Variants in OVOL1 observed in about 807,000 individuals in gnomAD.
OVOL1 encodes putative transcription factor Ovo-like 1.
In OVOL1, 10 loss-of-function variants were observed where a neutral mutation model predicts 21.5. The observed-to-expected ratio is 0.46, with a 90% CI of 0.29 to 0.79. OVOL1 has a LOEUF of 0.79. Ranked by LOEUF, OVOL1 falls within the 30% of genes least tolerant of loss-of-function variation. The pLI, the probability that OVOL1 is intolerant of heterozygous loss-of-function variation, is 0.10. For synonymous variants in OVOL1, 129 were observed against 150.3 expected, an observed-to-expected ratio of 0.86 and a Z score of 1.03; for missense variants, 279 against 362.3, an observed-to-expected ratio of 0.77 and a Z score of 1.87.
At chr11:65,790,221 CG>C (rs146860844) in intron 1 of OVOL1, 3,551 of 152,360 alleles carry the variant, frequency 0.023, 133 homozygotes, top group African/African-American at 0.078. Context: ...CTGGTTCCCC[CG>C]AGCCCCACCC....
intron 1 of OVOL1, chr11:65,788,629 T>C: frequency 1.0e-6 from 1 of 985,400 alleles, no homozygotes; most frequent in Non-Finnish European, 1.2e-6. Flanking sequence ...AATAAGCTGT[T>C]GGAGACAGTG....
At chr11:65,787,558 C>T (rs1857929180) in intron 1 of OVOL1, 85 bp downstream of exon 1, 1 of 743,680 alleles carries the variant, frequency 1.3e-6, no homozygotes, top group East Asian at 6.2e-5. Flanking sequence ...GTCCGCGGAG[C>T]CAGGCGGCAG....
intron 1 of OVOL1, chr11:65,790,106 G>A (rs1857985455): frequency 1.4e-5 from 2 of 141,812 alleles, no homozygotes; most frequent in South Asian, 2.2e-4. Context: ...TGGAGTGACA[G>A]GGAGTAATGC....
intron 1 of OVOL1, 80 bp downstream of exon 1, chr11:65,787,553 C>T: frequency 6.5e-6 from 5 of 765,814 alleles, no homozygotes; most frequent in Non-Finnish European, 8.4e-6. Context: ...CGCAGGTCCG[C>T]GGAGCCAGGC....
chr11:65,787,817 G>T (rs1857934286), intron 1 of OVOL1, among the ~76,000 whole-genome samples: 1 of 152,210 alleles, frequency 6.6e-6, no homozygotes, highest in Non-Finnish European at 1.5e-5. Context: ...CGGCTCCGAC[G>T]TCGTAAATCC....
At chr11:65,788,899 T>C (rs1857954291) in intron 1 of OVOL1, 1 of 984,796 alleles carries the variant, frequency 1.0e-6, no homozygotes, top group Non-Finnish European at 1.2e-6. Flanking sequence ...CACTCCCTGG[T>C]GAGCTGGCTG....
chr11:65,794,386 A>T, intron 2 of OVOL1, 138 bp downstream of exon 2: 6 of 1,072,542 alleles, frequency 5.6e-6, no homozygotes, highest in Non-Finnish European at 8.2e-6. Flanking sequence ...AGGAGTGCCG[A>T]TCTCCGGGCA....
At position 65,788,181 on chromosome 11, in the gene OVOL1, T is replaced by C. The variant is rs111820806; in HGVS notation, c.100+708T>C. Among the ~76,000 whole-genome samples, 105 of 152,278 alleles carry C rather than the reference T, an allele frequency of 6.9e-4. 1 individual carries two copies. The highest frequency in any genetic ancestry group is 2.4e-3 in the African/African-American group (99 of 41,570). On this transcript the variant is annotated intron_variant, in intron 1 of 3. Coordinates refer to ENST00000335987, the MANE Select transcript of OVOL1 (RefSeq NM_004561.4). Reference sequence around the variant, plus strand: ...TCCTTCACCTTGCGGAGGGCACAATTGCATGGAAAGCAGCTGCAGGGAGCC... The same window carrying C: ...TCCTTCACCTTGCGGAGGGCACAATCGCATGGAAAGCAGCTGCAGGGAGCC...
intron 1 of OVOL1, among the ~76,000 whole-genome samples, chr11:65,793,258 C>T (rs911419128): frequency 4.6e-5 from 7 of 152,198 alleles, no homozygotes; most frequent in Admixed American, 1.3e-4. Flanking sequence ...GTGTCTGCCT[C>T]GGGGCGTGGC....
intron 1 of OVOL1, chr11:65,789,000 C>T: frequency 2.0e-6 from 2 of 980,536 alleles, no homozygotes; most frequent in South Asian, 4.7e-5. Context: ...CTGTGTTTGA[C>T]TTGCTGCTTA....
intron 1 of OVOL1, 27 bp from the exon 2 acceptor site, chr11:65,794,004 C>A (rs1450546816): frequency 6.3e-7 from 1 of 1,588,050 alleles, no homozygotes; most frequent in Admixed American, 1.7e-5. Flanking sequence ...CTCCACCAAG[C>A]CTCTCACCTG....
chr11:65,788,930 T>C lies in OVOL1; in HGVS notation c.100+1457T>C, dbSNP rs368585271. 864 of 986,628 alleles carry C rather than the reference T, an allele frequency of 8.8e-4. 18 individuals are homozygous for C. The South Asian group carries it at 0.034, about 39-fold the overall frequency. 61.1% of individuals were successfully genotyped at this position (986,628 alleles called of 1,614,324 possible). The stretch of plus-strand genomic sequence containing the variant: ...GGCTGGTTCTCTACCTGGGGGTTGG[T>C]GGGGGCACGCAGAGGGCCAGAGCCC... On this transcript the variant is annotated intron_variant, in intron 1 of 3. Coordinates refer to ENST00000335987, the MANE Select transcript of OVOL1 (RefSeq NM_004561.4).
At position 65,794,655 on chromosome 11, in the gene OVOL1, C is replaced by T; in HGVS notation, c.436C>T (p.His146Tyr). The change falls in exon 3 of 4, where the codon CAC becomes TAC. Residue 146 changes from histidine to tyrosine, a missense_variant. Coordinates refer to ENST00000335987, the MANE Select transcript of OVOL1 (RefSeq NM_004561.4). ...GAAGTGTCACAACGACGTCAAGAGGCACCTCTGCACGTACTGCGGGAAGGG... is the reference window on the plus strand; with the variant it reads ...GAAGTGTCACAACGACGTCAAGAGGTACCTCTGCACGTACTGCGGGAAGGG... ...HMKCHNDVKR[H>Y]LCTYCGKGFN... 6.2e-7 allele frequency: 1 copy of T among 1,613,794 alleles called. No homozygotes were observed.
Position 65,787,365 on chromosome 11 carries a change from G to A in OVOL1, c.-9G>A, listed in dbSNP as rs768360220. ...GAAGCGGCCCGTGTCCAGCGACGAG[G>A]GTTCGAAAATGCCCCGCGCGTTCCT... On this transcript the variant is annotated 5_prime_UTR_variant, in exon 1 of 4. Transcript: ENST00000335987. The A allele has an allele frequency of 1.3e-6, 2 of 1,574,694 alleles. No homozygotes were observed. Among genetic ancestry groups the A allele is most frequent in the Admixed American group, 1.8e-5 (1 of 55,880 alleles).
rs923304031 is a variant in OVOL1, at chr11:65,789,704, A to G, written c.100+2231A>G. ...CCTCACAGATTCCTGGTAAGTTGTG[A>G]CCAGCTAAGCGTTGACCCCATTTCC... is the stretch of plus-strand genomic sequence containing the variant. On this transcript the variant is annotated intron_variant, in intron 1 of 3. Transcript: ENST00000335987. The G allele has an allele frequency of 2.1e-5, 21 of 985,132 alleles. No homozygotes were observed. In the African/African-American group the frequency reaches 3.7e-4, roughly 17 times the overall value. 61.0% of individuals were successfully genotyped at this position (985,132 alleles called of 1,614,324 possible).
At position 65,796,198 on chromosome 11, in the gene OVOL1, A is replaced by C. The variant is rs1018666865; in HGVS notation, c.*857A>C. ...TTGGCTCTGGGCGGGGGCTGCCCCA[A>C]CCCACCCCCGTTCTTTGTACGTGCT... On this transcript the variant is annotated 3_prime_UTR_variant, in exon 4 of 4. Transcript: ENST00000335987. 1.3e-5 allele frequency: 2 copies of C among 152,456 alleles called. No homozygotes were observed. The highest frequency in any genetic ancestry group is 2.9e-5 in the Non-Finnish European group (2 of 68,062). The allele number at this position is 152,456 out of a possible 1,614,324, so 9.4% of individuals were successfully genotyped here.
At position 65,795,345 on chromosome 11, in the gene OVOL1, G is replaced by T. The variant is rs1172604472; in HGVS notation, c.*4G>T. The T allele has an allele frequency of 3.2e-6, 5 of 1,581,492 alleles. No homozygotes were observed. The highest frequency in any genetic ancestry group is 3.4e-6 in the Non-Finnish European group (4 of 1,166,766). On this transcript the variant is annotated 3_prime_UTR_variant, in exon 4 of 4. Transcript: ENST00000335987. This position sits in a 1 kb window ranked among gnomAD's most constrained non-coding sequence, Gnocchi z 5.7. ...GCAGGGCAGCCCCCACCTGTGAGTG[G>T]CTCGAGCCCTGGGGGTGCTCCTGGA...
chr11:65,794,516 G>T (rs1485658213), intron 2 of OVOL1, 22 bp from the exon 3 acceptor site: 1 of 1,603,644 alleles, frequency 6.2e-7, no homozygotes. Context: ...ATGTCTGTCA[G>T]CAATGCCGTC....
At chr11:65,787,747 C>A (rs1177444680) in intron 1 of OVOL1, among the ~76,000 whole-genome samples, 2 of 152,124 alleles carry the variant, frequency 1.3e-5, no homozygotes, top group African/African-American at 4.8e-5. Flanking sequence ...CCGCCTACCC[C>A]CACCCCCTGA....
Sources: allele counts gnomAD v4.1 joint callset (sites outside exome capture counted in the v4.1 genomes callset), GRCh38; gene constraint gnomAD v4.1.1; non-coding constraint Gnocchi (gnomAD v3.1); transcripts MANE v1.5; gene names NCBI Gene and HGNC (gene_info 2026-07-23, HGNC 2026-07-21).